LGR5: variants seen among roughly 807,000 people sequenced by gnomAD.
The protein encoded by LGR5 is leucine rich repeat containing G protein-coupled receptor 5.
Under a neutral mutation model 76.7 loss-of-function variants are expected in LGR5, and 54 were observed. That is an observed-to-expected ratio of 0.70 (90% CI 0.57 to 0.88). LGR5 has a LOEUF of 0.88. Among genes scored for constraint, LGR5 ranks in the 40% least tolerant of loss-of-function variants. LGR5 has a pLI of 0.00. For synonymous variants in LGR5, 406 were observed against 421.9 expected, an observed-to-expected ratio of 0.96 and a Z score of 0.46; for missense variants, 1,078 against 1,073.3, an observed-to-expected ratio of 1.00 and a Z score of -0.06.
rs763124254 is a variant in LGR5, at chr12:71,553,264, G to A, written c.620G>A (p.Gly207Glu). 3 of 1,613,704 alleles carry A rather than the reference G, an allele frequency of 1.9e-6. No individual in the cohort carries two copies. In the East Asian group the frequency reaches 6.7e-5, roughly 36 times the overall value. The change falls in exon 5 of 18, where the codon GGA becomes GAA. Residue 207 changes from glycine (G) to glutamate (E), a missense_variant. Transcript: ENST00000266674. Reference protein sequence around the residue: ...KIHHIPDYAFGNLSSLVVLHL... With the variant: ...KIHHIPDYAFENLSSLVVLHL... ...CACCACATACCAGACTATGCCTTTGGAAACCTCTCCAGCTTGGTAGTTCTG... is the reference window on the plus strand; with the variant it reads ...CACCACATACCAGACTATGCCTTTGAAAACCTCTCCAGCTTGGTAGTTCTG...
intron 4 of LGR5, among the ~76,000 whole-genome samples, chr12:71,543,805 G>A (rs892882853): frequency 2.6e-5 from 4 of 152,150 alleles, no homozygotes; most frequent in African/African-American, 9.7e-5. Flanking sequence ...GGAAAGTCTC[G>A]GAGATGAAGA....
chr12:71,446,449 A>G (rs77967801), intron 1 of LGR5, among the ~76,000 whole-genome samples: 3,118 of 152,304 alleles, frequency 0.02, 123 homozygotes, highest in African/African-American at 0.071. Context: ...CCCCACAAAG[A>G]TACTAAATAC....
chr12:71,483,132 T>G (rs1349175137), intron 1 of LGR5, among the ~76,000 whole-genome samples: 1 of 151,988 alleles, frequency 6.6e-6, no homozygotes, highest in Non-Finnish European at 1.5e-5. Flanking sequence ...CCTTTATCCT[T>G]AAAGAAAAAA....
intron 3 of LGR5, among the ~76,000 whole-genome samples, chr12:71,533,977 C>T (rs543647014): frequency 6.6e-6 from 1 of 152,304 alleles, no homozygotes; most frequent in Admixed American, 6.5e-5. Flanking sequence ...TTAGACACAC[C>T]TGGGTGGAAT....
At chr12:71,555,407 C>T (rs1350108209) in intron 5 of LGR5, among the ~76,000 whole-genome samples, 2 of 152,154 alleles carry the variant, frequency 1.3e-5, no homozygotes, top group African/African-American at 2.4e-5. Context: ...CAGTTGTGCA[C>T]AGCTGTTCTC....
chr12:71,459,524 G>A (rs540395430), intron 1 of LGR5, among the ~76,000 whole-genome samples: 11 of 152,038 alleles, frequency 7.2e-5, no homozygotes, highest in Non-Finnish European at 1.0e-4. Context: ...TTGTTCACAA[G>A]GGGGAGCTGG....
At chr12:71,484,586 G>A (rs12824369) in intron 1 of LGR5, among the ~76,000 whole-genome samples, 13,632 of 152,166 alleles carry the variant, frequency 0.09, 656 homozygotes, top group Non-Finnish European at 0.11. Context: ...CTTTGTGCCC[G>A]AGGTTACAGG....
In LGR5 at chr12:71,440,396, AG is replaced by A. The variant is rs1271234568; in HGVS notation, c.212+110del. ...CTCGGCGCCCGCCTGCTCGTGGGGG[AG>A]GGGGGCGAGTTTGTCAAGGGCATCC... On this transcript the variant is annotated intron_variant, in intron 1 of 17. Transcript: ENST00000266674. The surrounding 1 kb of genome is among the most constrained non-coding windows in gnomAD (Gnocchi z 5.3). 92 of 1,116,296 alleles carry A rather than the reference AG, an allele frequency of 8.2e-5. No homozygotes were observed. The Middle Eastern group carries it at 8.3e-4, about 10-fold the overall frequency. The allele number at this position is 1,116,296 out of a possible 1,614,324, so 69.1% of individuals were successfully genotyped here.
chr12:71,560,748 G>A (rs1165870036), intron 7 of LGR5, among the ~76,000 whole-genome samples: 1 of 152,162 alleles, frequency 6.6e-6, no homozygotes, highest in Non-Finnish European at 1.5e-5. Context: ...AGCCGAGATT[G>A]CACCACTGCA....
intron 4 of LGR5, among the ~76,000 whole-genome samples, chr12:71,536,317 C>T (rs183198748): frequency 6.6e-6 from 1 of 152,298 alleles, no homozygotes; most frequent in East Asian, 1.9e-4. Context: ...GAAGATGATA[C>T]TTTCGTCCTT....
chr12:71,560,393 C>T (rs1304233464), intron 7 of LGR5, among the ~76,000 whole-genome samples: 1 of 152,184 alleles, frequency 6.6e-6, no homozygotes, highest in Admixed American at 6.5e-5. Flanking sequence ...TAAAGGTCTT[C>T]ATCCCTGTCA....
intron 17 of LGR5, 77 bp from the exon 18 acceptor site, chr12:71,583,570 A>C: frequency 6.7e-7 from 1 of 1,491,386 alleles, no homozygotes; most frequent in South Asian, 1.3e-5. Flanking sequence ...ATCCTAAATA[A>C]AGAGACAAAA....
chr12:71,570,267 C>T (rs2137452018), intron 11 of LGR5, among the ~76,000 whole-genome samples: 1 of 152,212 alleles, frequency 6.6e-6, no homozygotes, highest in East Asian at 1.9e-4. Flanking sequence ...ACACGTTTAC[C>T]TACGTAACAA....
At chr12:71,495,047 G>T (rs4460909) in intron 1 of LGR5, among the ~76,000 whole-genome samples, 1 of 150,584 alleles carries the variant, frequency 6.6e-6, no homozygotes, top group African/African-American at 2.5e-5. Context: ...TGATACACCC[G>T]GTGGCATGGC....
At chr12:71,492,582 TA>T (rs1874121904) in intron 1 of LGR5, among the ~76,000 whole-genome samples, 1 of 152,174 alleles carries the variant, frequency 6.6e-6, no homozygotes, top group African/African-American at 2.4e-5. Flanking sequence ...AAGGGTATTA[TA>T]GGAAGTAACT....
intron 1 of LGR5, among the ~76,000 whole-genome samples, chr12:71,455,496 T>C (rs10748176): frequency 0.66 from 99,989 of 152,038 alleles, 33,078 homozygotes; most frequent in East Asian, 0.83. Flanking sequence ...TTGAGCATTA[T>C]TTAAAATGAC....
chr12:71,439,854 GCAGCCAGGGCTGCT>G lies in LGR5; in HGVS notation c.-225_-212del, dbSNP rs1354971498. ...AAGGCGCACCGCCACTGTCGCCGCT[GCAGCCAGGGCTGCT>G]CCGAAGGCCGGCGTGGCGGCAACCG... On this transcript the variant is annotated 5_prime_UTR_variant, in exon 1 of 18. Coordinates refer to ENST00000266674, the MANE Select transcript of LGR5 (RefSeq NM_003667.4). The G allele has an allele frequency of 8.0e-6, 4 of 499,558 alleles. No individual in the cohort carries two copies. Among genetic ancestry groups the G allele is most frequent in the African/African-American group, 2.1e-5 (1 of 48,708 alleles). The allele number at this position is 499,558 out of a possible 1,614,324, so 30.9% of individuals were successfully genotyped here.
At chr12:71,531,660 G>T (rs1876316095) in intron 3 of LGR5, among the ~76,000 whole-genome samples, 1 of 152,086 alleles carries the variant, frequency 6.6e-6, no homozygotes, top group East Asian at 1.9e-4. Context: ...TTGAGGTCAG[G>T]AGTTCAAGAC....
intron 11 of LGR5, among the ~76,000 whole-genome samples, chr12:71,569,633 G>T (rs1269846899): frequency 6.6e-6 from 1 of 152,174 alleles, no homozygotes; most frequent in Non-Finnish European, 1.5e-5. Flanking sequence ...AGTCAGAATG[G>T]CAATTATTAA....
Sources: allele counts gnomAD v4.1 joint callset (sites outside exome capture counted in the v4.1 genomes callset), GRCh38; gene constraint gnomAD v4.1.1; non-coding constraint Gnocchi (gnomAD v3.1); transcripts MANE v1.5; gene names NCBI Gene and HGNC (gene_info 2026-07-23, HGNC 2026-07-21).